The following MNAT1 variants were observed in gnomAD, a reference collection of about 807,000 sequenced individuals.
MNAT1 encodes the protein MNAT1 component of CDK activating kinase, also known as CDK-activating kinase assembly factor MAT1.
Under a neutral mutation model 42.0 loss-of-function variants are expected in MNAT1, and 43 were observed. The observed-to-expected ratio is 1.02, with a 90% confidence interval of 0.80 to 1.32. The LOEUF is 1.32. Among genes scored for constraint, MNAT1 ranks in the 40% most tolerant of loss-of-function variants. The pLI is 0.00. For missense variants in MNAT1, 306 were observed against 350.4 expected (o/e 0.87, Z 1.01); for synonymous variants, 118 against 120.0 (o/e 0.98, Z 0.11).
chr14:60,858,790 GA>G (rs1373241396), intron 6 of MNAT1, among the ~76,000 whole-genome samples: 1 of 152,168 alleles, frequency 6.6e-6, no homozygotes, highest in Non-Finnish European at 1.5e-5. Flanking sequence ...GCAATTTGCT[GA>G]AGGTTCAAAT....
At chr14:60,803,057 G>A (rs1231724098) in intron 3 of MNAT1, among the ~76,000 whole-genome samples, 1 of 149,816 alleles carries the variant, frequency 6.7e-6, no homozygotes, top group Non-Finnish European at 1.5e-5. Context: ...TCAGCCTCCC[G>A]AGTAGCTGGG....
intron 7 of MNAT1, among the ~76,000 whole-genome samples, chr14:60,901,013 CAAAAAAAAAAAAA>C (rs56345746): frequency 3.6e-4 from 13 of 36,580 alleles, no homozygotes; most frequent in South Asian, 2.5e-3. Context: ...GAGCCTGTCT[CAAAAAAAAAAAAA>C]AAAAAAAAAA....
intron 7 of MNAT1, among the ~76,000 whole-genome samples, chr14:60,951,180 A>G (rs1187328676): frequency 6.6e-6 from 1 of 152,130 alleles, no homozygotes; most frequent in Admixed American, 6.5e-5. Flanking sequence ...ATTATTTGCA[A>G]ACATCAAAAA....
At chr14:60,922,185 G>A (rs61990960) in intron 7 of MNAT1, among the ~76,000 whole-genome samples, 425 of 152,218 alleles carry the variant, frequency 2.8e-3, no homozygotes, top group Non-Finnish European at 5.3e-3. Context: ...GTCAGAAGCA[G>A]GTTTTGGTTA....
At chr14:60,741,218 T>A (rs879669957) in intron 1 of MNAT1, among the ~76,000 whole-genome samples, 1 of 152,306 alleles carries the variant, frequency 6.6e-6, no homozygotes, top group Admixed American at 6.5e-5. Context: ...TCATTTACTT[T>A]AAAAAAATTT....
At chr14:60,846,094 C>T (rs927262198) in intron 6 of MNAT1, among the ~76,000 whole-genome samples, 2 of 151,810 alleles carry the variant, frequency 1.3e-5, no homozygotes, top group Non-Finnish European at 2.9e-5. Context: ...ATCCCCGTTT[C>T]TTTTTCCTTC....
chr14:60,850,412 T>C (rs892425069), intron 6 of MNAT1, among the ~76,000 whole-genome samples: 5 of 152,186 alleles, frequency 3.3e-5, no homozygotes, highest in African/African-American at 1.2e-4. Flanking sequence ...AGCATTTGAG[T>C]TGAGAATGAG....
intron 1 of MNAT1, among the ~76,000 whole-genome samples, chr14:60,746,897 CATATATATATATATAT>C (rs1173508656): frequency 4.6e-5 from 1 of 21,966 alleles, no homozygotes; most frequent in Non-Finnish European, 7.0e-5. Flanking sequence ...AGATTCATTT[CATATATATATATATAT>C]ATATATATAT....
chr14:60,915,083 T>C (rs186807451), intron 7 of MNAT1, among the ~76,000 whole-genome samples: 101 of 152,376 alleles, frequency 6.6e-4, no homozygotes, highest in Admixed American at 1.4e-3. Context: ...TCAGGTAATT[T>C]TTAATGCAGA....
chr14:60,760,709 A>C (rs1196782190), intron 1 of MNAT1, among the ~76,000 whole-genome samples: 2 of 152,354 alleles, frequency 1.3e-5, no homozygotes, highest in East Asian at 3.9e-4. Context: ...GAGTCATATT[A>C]CAATTACTAT....
intron 1 of MNAT1, among the ~76,000 whole-genome samples, chr14:60,794,140 A>G (rs892782002): frequency 3.9e-5 from 6 of 152,108 alleles, no homozygotes; most frequent in Admixed American, 6.5e-5. Flanking sequence ...AATTTTGACT[A>G]TTTTGGATAG....
chr14:60,762,507 C>G (rs953581061), intron 1 of MNAT1, among the ~76,000 whole-genome samples: 1 of 151,900 alleles, frequency 6.6e-6, no homozygotes, highest in Non-Finnish European at 1.5e-5. Flanking sequence ...AATGTCATCT[C>G]TACTAAATGA....
intron 7 of MNAT1, among the ~76,000 whole-genome samples, chr14:60,967,503 G>T (rs4151405): frequency 0.95 from 144,631 of 152,246 alleles, 69,011 homozygotes; most frequent in Non-Finnish European, 0.99. Context: ...ATTGTCCAAT[G>T]TTTTTTAGGC....
intron 6 of MNAT1, among the ~76,000 whole-genome samples, chr14:60,825,054 T>G (rs1345167755): frequency 2.0e-5 from 3 of 152,108 alleles, no homozygotes; most frequent in Non-Finnish European, 4.4e-5. Flanking sequence ...CAAAAGTTAT[T>G]TACAACATAT....
chr14:60,869,824 T>C (rs577297322), intron 6 of MNAT1, among the ~76,000 whole-genome samples: 1 of 152,308 alleles, frequency 6.6e-6, no homozygotes, highest in South Asian at 2.1e-4. Flanking sequence ...TGTATTTTCT[T>C]TAATAGTGTT....
intron 7 of MNAT1, among the ~76,000 whole-genome samples, chr14:60,910,977 T>C (rs999919573): frequency 7.9e-5 from 12 of 152,178 alleles, no homozygotes; most frequent in Non-Finnish European, 1.8e-4. Context: ...ATTGGTAAAC[T>C]CTTAATTATT....
At chr14:60,907,393 A>G (rs2035223759) in intron 7 of MNAT1, among the ~76,000 whole-genome samples, 1 of 141,574 alleles carries the variant, frequency 7.1e-6, no homozygotes, top group South Asian at 2.3e-4. Flanking sequence ...AGACCATGCC[A>G]TTGCACTCCA....
At chr14:60,916,773 G>A (rs2035525023) in intron 7 of MNAT1, among the ~76,000 whole-genome samples, 1 of 152,132 alleles carries the variant, frequency 6.6e-6, no homozygotes, top group South Asian at 2.1e-4. Flanking sequence ...GCAACGTGGT[G>A]AAACTGTGTC....
intron 7 of MNAT1, among the ~76,000 whole-genome samples, chr14:60,890,393 C>T (rs1468914516): frequency 1.3e-5 from 2 of 152,120 alleles, no homozygotes; most frequent in African/African-American, 2.4e-5. Flanking sequence ...CTCTGTCTGG[C>T]TTTTATATCA....
Sources: allele counts gnomAD v4.1 joint callset (sites outside exome capture counted in the v4.1 genomes callset), GRCh38; gene constraint gnomAD v4.1.1; transcripts MANE v1.5; gene names NCBI Gene and HGNC (gene_info 2026-07-23, HGNC 2026-07-21).